Variants in LPIN1 observed in about 807,000 individuals in gnomAD.
LPIN1 encodes phosphatidate phosphatase LPIN1.
In LPIN1, 71 loss-of-function variants were observed where a neutral mutation model predicts 107.5. The ratio of observed to expected loss-of-function variants is 0.66; its 90% CI spans 0.55 to 0.80. The LOEUF is 0.80. LPIN1 is among the 30% of genes least tolerant of loss of function. The probability of loss-of-function intolerance (pLI) is 0.00; values close to 1 mark genes in which losing one functional copy is unlikely to be tolerated. For missense variants in LPIN1, 1,043 were observed against 1,160.6 expected, an observed-to-expected ratio of 0.90 and a Z score of 1.47; for synonymous variants, 445 against 452.6, an observed-to-expected ratio of 0.98 and a Z score of 0.21.
intron 1 of LPIN1, chr2:11,764,121 A>AC (rs1670396250): frequency 8.6e-6 from 1 of 116,444 alleles, no homozygotes; most frequent in Non-Finnish European, 1.8e-5. Flanking sequence ...CACACACACA[A>AC]CGACTAAAAT....
intron 20 of LPIN1, among the ~76,000 whole-genome samples, chr2:11,821,722 T>G (rs1176051286): frequency 6.6e-6 from 1 of 152,192 alleles, no homozygotes; most frequent in Non-Finnish European, 1.5e-5. Context: ...ACTAGTTGGA[T>G]TCTAACTGAG....
At chr2:11,815,058 C>A (rs1680339093) in intron 17 of LPIN1, 30 bp from the exon 18 acceptor site, 3 of 1,610,350 alleles carry the variant, frequency 1.9e-6, no homozygotes, top group Non-Finnish European at 2.5e-6. Context: ...TTTCTGATGC[C>A]ATGAAATGTG....
intron 8 of LPIN1, among the ~76,000 whole-genome samples, chr2:11,782,750 C>T (rs1048227082): frequency 2.6e-5 from 4 of 152,126 alleles, no homozygotes; most frequent in East Asian, 1.9e-4. Flanking sequence ...TGAGGCTGCT[C>T]GCTGAGACCT....
rs1449589085 is a variant in LPIN1, at chr2:11,732,616, T to C, written c.-72+8077T>C. Reference sequence around the variant, plus strand: ...TCCAAAGCAGTATTCAATTAATAAATGTAAGCTCCTTTTGTAAATTGCTGT... The same window carrying C: ...TCCAAAGCAGTATTCAATTAATAAACGTAAGCTCCTTTTGTAAATTGCTGT... On this transcript the variant is annotated intron_variant, in intron 1 of 21. Transcript: ENST00000396097. Among the ~76,000 whole-genome samples the C allele has an allele frequency of 2.6e-5, 4 of 152,350 alleles. No individual in the cohort carries two copies. In the South Asian group the frequency reaches 8.3e-4, roughly 32 times the overall value.
chr2:11,795,364 T>G, intron 13 of LPIN1, 44 bp from the exon 14 acceptor site: 1 of 1,535,506 alleles, frequency 6.5e-7, no homozygotes, highest in South Asian at 1.1e-5. Flanking sequence ...TGCAAGCCCC[T>G]TCTCTGTGGT....
upstream of LPIN1, chr2:11,742,097 G>C (rs1411767569): frequency 6.6e-6 from 1 of 152,070 alleles, no homozygotes; most frequent in African/African-American, 2.4e-5. Context: ...GGCTGAGCTG[G>C]ACTTGAATTT....
chr2:11,806,629 T>G (rs1247762096), intron 17 of LPIN1, among the ~76,000 whole-genome samples: 3 of 152,198 alleles, frequency 2.0e-5, no homozygotes, highest in Non-Finnish European at 4.4e-5. Context: ...ATGCCCAAGC[T>G]CATTGGTTTG....
chr2:11,720,649 G>A (rs543987609), upstream of LPIN1, among the ~76,000 whole-genome samples: 1 of 152,148 alleles, frequency 6.6e-6, no homozygotes, highest in Admixed American at 6.5e-5. Flanking sequence ...CAAGCATGAA[G>A]AAATGGAAGC....
chr2:11,822,277 C>CAAA (rs751514674), intron 20 of LPIN1, among the ~76,000 whole-genome samples: 4 of 78,868 alleles, frequency 5.1e-5, no homozygotes, highest in African/African-American at 4.8e-5. Context: ...CTAGAAATGC[C>CAAA]AAAAAAAAAA....
chr2:11,722,925 A>G (rs761215193), upstream of LPIN1, among the ~76,000 whole-genome samples: 2 of 152,238 alleles, frequency 1.3e-5, no homozygotes, highest in African/African-American at 2.4e-5. Context: ...GTGCTGTTGC[A>G]TAATAAAAAG....
chr2:11,715,637 A>G (rs1031160899), intron 2 of LPIN1, among the ~76,000 whole-genome samples: 4 of 152,110 alleles, frequency 2.6e-5, no homozygotes, highest in East Asian at 1.9e-4. Flanking sequence ...TAGGGCTTGT[A>G]TCAGCTTGTG....
intron 14 of LPIN1, among the ~76,000 whole-genome samples, chr2:11,796,843 T>C (rs1676811459): frequency 6.6e-6 from 1 of 152,242 alleles, no homozygotes; most frequent in African/African-American, 2.4e-5. Context: ...GGTTGTTTAC[T>C]GCACAAGCTG....
chr2:11,681,242 C>T (rs1661695928), intron 1 of LPIN1, among the ~76,000 whole-genome samples: 1 of 152,154 alleles, frequency 6.6e-6, no homozygotes, highest in Non-Finnish European at 1.5e-5. Flanking sequence ...AAAGGCTGGC[C>T]CCACCTCTCC....
At chr2:11,750,740 G>A (rs1382168914) in intron 1 of LPIN1, among the ~76,000 whole-genome samples, 1 of 152,200 alleles carries the variant, frequency 6.6e-6, no homozygotes, top group Non-Finnish European at 1.5e-5. Flanking sequence ...TTAGTGGAAG[G>A]TGGAGGCAGG....
chr2:11,782,529 G>A (rs769264202), intron 8 of LPIN1, 22 bp downstream of exon 8: 12 of 1,612,912 alleles, frequency 7.4e-6, no homozygotes, highest in South Asian at 4.4e-5. Context: ...GGGGCTTCCC[G>A]GCTCTTTTTC....
At chr2:11,746,973 G>T (rs965504724) in intron 1 of LPIN1, among the ~76,000 whole-genome samples, 1 of 152,234 alleles carries the variant, frequency 6.6e-6, no homozygotes, top group Admixed American at 6.5e-5. Flanking sequence ...CTCGAGCGGC[G>T]TAGGGGCCAC....
chr2:11,809,470 G>A (rs1043659640), intron 17 of LPIN1, among the ~76,000 whole-genome samples: 1 of 152,132 alleles, frequency 6.6e-6, no homozygotes, highest in African/African-American at 2.4e-5. Flanking sequence ...AGGCTGGAGT[G>A]CAATGGCATG....
Position 11,786,897 on chromosome 2 carries a change from G to T in LPIN1, c.1550-177G>T. On this transcript the variant is annotated intron_variant, in intron 10 of 20. Coordinates refer to ENST00000674199, the MANE Select transcript of LPIN1 (RefSeq NM_001349206.2). The surrounding 1 kb of genome is among the most constrained non-coding windows in gnomAD (Gnocchi z 4.1). ...GGCCTCCCTGCATTGCTGCACAGAC[G>T]CCGCCTTCCAGGTAAAATGGTGCGG... 3.1e-6 allele frequency: 2 copies of T among 637,896 alleles called. No homozygotes were observed. The highest frequency in any genetic ancestry group is 5.7e-6 in the Non-Finnish European group (2 of 348,494). The allele number at this position is 637,896 out of a possible 1,614,324, so 39.5% of individuals were successfully genotyped here.
intron 1 of LPIN1, chr2:11,677,751 T>C: frequency 6.5e-7 from 1 of 1,527,000 alleles, no homozygotes; most frequent in Non-Finnish European, 8.8e-7. Context: ...CATGTGGCCA[T>C]CTGCAAACAC....
Sources: gnomAD v4.1 joint callset for allele counts (sites outside exome capture counted in the v4.1 genomes callset) on GRCh38, gnomAD v4.1.1 for gene constraint, Gnocchi (gnomAD v3.1) non-coding constraint, MANE v1.5 for transcripts, NCBI Gene and HGNC (gene_info 2026-07-23, HGNC 2026-07-21) for gene names.